Variants in KCNC2 observed in about 807,000 individuals in gnomAD.
KCNC2 encodes the protein potassium voltage-gated channel subfamily C member 2, also known as voltage-gated potassium channel KCNC2.
KCNC2 carries 21 observed loss-of-function variants against 44.5 expected under a neutral mutation model. The ratio of observed to expected loss-of-function variants is 0.47; its 90% CI spans 0.33 to 0.68. The LOEUF is 0.68. Among genes scored for constraint, KCNC2 ranks in the 30% least tolerant of loss-of-function variants. The probability of loss-of-function intolerance (pLI) is 0.01; values close to 1 mark genes in which losing one functional copy is unlikely to be tolerated. For synonymous variants in KCNC2, 391 were observed against 339.1 expected, an observed-to-expected ratio of 1.15 and a Z score of -1.68; for missense variants, 589 against 826.2, an observed-to-expected ratio of 0.71 and a Z score of 3.52.
chr12:75,078,182 A>C (rs1884166127), intron 2 of KCNC2, among the ~76,000 whole-genome samples: 1 of 152,190 alleles, frequency 6.6e-6, no homozygotes, highest in African/African-American at 2.4e-5. Context: ...ACTATAAATA[A>C]GTGCAAAGAG....
intron 2 of KCNC2, among the ~76,000 whole-genome samples, chr12:75,061,220 GTTTA>G (rs898150932): frequency 1.1e-4 from 16 of 151,964 alleles, no homozygotes; most frequent in African/African-American, 3.6e-4. Flanking sequence ...CTCAATCTTG[GTTTA>G]TTTATTTACA....
rs968647090 is a variant in KCNC2, at chr12:75,125,621, C to T, written c.688-74304G>A. On this transcript the variant is annotated intron_variant, in intron 2 of 4. Coordinates refer to ENST00000549446, the MANE Select transcript of KCNC2 (RefSeq NM_139137.4). ...TGATCATTCTGAATATGAGACATTG[C>T]GCTATGCCTTCTGTTTTCATATCAC... 7.2e-5 allele frequency among the ~76,000 whole-genome samples: 11 copies of T among 152,082 alleles called. No individual in the cohort carries two copies. In the South Asian group the frequency reaches 8.3e-4, roughly 11 times the overall value.
At chr12:75,047,741 T>C (rs1327109489) in intron 4 of KCNC2, among the ~76,000 whole-genome samples, 3 of 152,112 alleles carry the variant, frequency 2.0e-5, no homozygotes, top group Non-Finnish European at 2.9e-5. Flanking sequence ...AAAAAACTTA[T>C]AATTGTTTTA....
rs989572876 is a variant in KCNC2, at chr12:75,042,996, C to T, written c.*109G>A. Reference sequence around the variant, plus strand: ...ATTGTAGTATCATGCAAGATTTATACTGTATTAATGGAGCCTGGAGTAACT... The same window carrying T: ...ATTGTAGTATCATGCAAGATTTATATTGTATTAATGGAGCCTGGAGTAACT... On this transcript the variant is annotated 3_prime_UTR_variant, in exon 5 of 5. Transcript: ENST00000549446. 1 of 1,489,566 alleles carries T rather than the reference C, an allele frequency of 6.7e-7. No individual in the cohort carries two copies. The highest frequency in any genetic ancestry group is 2.3e-5 in the East Asian group (1 of 42,752). 92.3% of individuals were successfully genotyped at this position (1,489,566 alleles called of 1,614,324 possible). A position where few individuals can be genotyped will look rare whatever the true frequency, so the allele number is the denominator to read the frequency against.
At chr12:75,173,296 C>A (rs534793194) in intron 2 of KCNC2, among the ~76,000 whole-genome samples, 1 of 151,948 alleles carries the variant, frequency 6.6e-6, no homozygotes, top group Admixed American at 6.6e-5. Context: ...ATTTCTATGT[C>A]TGATATAGAG....
chr12:75,120,010 C>T lies in KCNC2; in HGVS notation c.688-68693G>A, dbSNP rs548175411. On this transcript the variant is annotated intron_variant, in intron 2 of 4. Coordinates refer to ENST00000549446, the MANE Select transcript of KCNC2 (RefSeq NM_139137.4). The stretch of plus-strand genomic sequence containing the variant: ...AAGAGTTATCATGCTCTGCATAAAG[C>T]TTTCGAAGAGGATTTCCAGCCCATC... Among the ~76,000 whole-genome samples the T allele has an allele frequency of 4.6e-5, 7 of 152,280 alleles. 1 individual carries two copies. The South Asian group carries it at 1.5e-3, about 32-fold the overall frequency.
intron 2 of KCNC2, among the ~76,000 whole-genome samples, chr12:75,067,075 A>G (rs1444348341): frequency 6.6e-6 from 1 of 152,080 alleles, no homozygotes; most frequent in Non-Finnish European, 1.5e-5. Context: ...GGTGGCATGC[A>G]TCTGTAGTTC....
chr12:75,105,549 G>A (rs1377745232), intron 2 of KCNC2, among the ~76,000 whole-genome samples: 1 of 152,154 alleles, frequency 6.6e-6, no homozygotes, highest in African/African-American at 2.4e-5. Flanking sequence ...ATCTGAACAA[G>A]TACTGGTGAA....
At chr12:75,146,021 T>C (rs1183585767) in intron 2 of KCNC2, among the ~76,000 whole-genome samples, 2 of 151,440 alleles carry the variant, frequency 1.3e-5, no homozygotes, top group African/African-American at 4.9e-5. Flanking sequence ...TGGCGCGATC[T>C]CTGTTCACTG....
chr12:75,047,262 ATTTT>A (rs1880632635), intron 4 of KCNC2, among the ~76,000 whole-genome samples: 1 of 151,978 alleles, frequency 6.6e-6, no homozygotes, highest in African/African-American at 2.4e-5. Context: ...TCACGAGACT[ATTTT>A]TAAAGGGGAG....
chr12:75,140,266 G>A (rs1889545094), intron 2 of KCNC2: 1 of 152,122 alleles, frequency 6.6e-6, no homozygotes, highest in African/African-American at 2.4e-5. Context: ...CATCAAATTT[G>A]CTAATATCCA....
intron 2 of KCNC2, among the ~76,000 whole-genome samples, chr12:75,174,442 C>A (rs1593027588): frequency 6.6e-6 from 1 of 151,876 alleles, no homozygotes. Flanking sequence ...CACATAGATT[C>A]CCCTATGAAT....
In KCNC2 at chr12:75,077,455, TG is replaced by T. The variant is rs545985242; in HGVS notation, c.688-26139del. ...GTGCAAATTTTGGTTTGTTTCCTAATGGGATATTTCACAGTTCCTCAAAACC... is the reference window on the plus strand; with the variant it reads ...GTGCAAATTTTGGTTTGTTTCCTAATGGATATTTCACAGTTCCTCAAAACC... On this transcript the variant is annotated intron_variant, in intron 2 of 4. Coordinates refer to ENST00000549446, the MANE Select transcript of KCNC2 (RefSeq NM_139137.4). Among the ~76,000 whole-genome samples, 16 of 152,278 alleles carry T rather than the reference TG, an allele frequency of 1.1e-4. 1 individual carries two copies. In the South Asian group the frequency reaches 2.9e-3, roughly 28 times the overall value.
chr12:75,078,277 C>T (rs566302578), intron 2 of KCNC2, among the ~76,000 whole-genome samples: 18 of 152,238 alleles, frequency 1.2e-4, no homozygotes, highest in African/African-American at 3.9e-4. Context: ...AGACCAGCCC[C>T]GGTGGGACGG....
Position 75,042,505 on chromosome 12 carries a change from A to G in KCNC2, c.*600T>C. ...TAATAAGAAAAAAATGTCAAGGAGA[A>G]AAGTGCCCTCCCTGCCCCACAATTC... On this transcript the variant is annotated 3_prime_UTR_variant, in exon 5 of 5. Coordinates refer to ENST00000549446, the MANE Select transcript of KCNC2 (RefSeq NM_139137.4). 7.0e-7 allele frequency: 1 copy of G among 1,435,694 alleles called. No individual in the cohort carries two copies. Among genetic ancestry groups the G allele is most frequent in the Non-Finnish European group, 9.1e-7 (1 of 1,096,716 alleles). 88.9% of individuals were successfully genotyped at this position (1,435,694 alleles called of 1,614,324 possible).
intron 2 of KCNC2, among the ~76,000 whole-genome samples, chr12:75,154,484 T>TCC (rs1414033799): frequency 6.6e-6 from 1 of 151,986 alleles, no homozygotes; most frequent in Non-Finnish European, 1.5e-5. Flanking sequence ...CAGATTTCAT[T>TCC]TTATGCAGTC....
chr12:75,064,085 G>A (rs774976259), intron 2 of KCNC2, among the ~76,000 whole-genome samples: 2 of 151,962 alleles, frequency 1.3e-5, no homozygotes, highest in Non-Finnish European at 2.9e-5. Flanking sequence ...GATTTTCATT[G>A]GGTTTGAAAA....
intron 2 of KCNC2, among the ~76,000 whole-genome samples, chr12:75,103,807 A>G (rs1886564664): frequency 1.3e-5 from 2 of 152,208 alleles, no homozygotes; most frequent in South Asian, 4.1e-4. Context: ...AGAGATTAAC[A>G]ACAATAATAA....
chr12:75,097,626 A>T lies in KCNC2; in HGVS notation c.688-46309T>A, dbSNP rs557502878. 3.3e-5 allele frequency among the ~76,000 whole-genome samples: 5 copies of T among 152,266 alleles called. No individual in the cohort carries two copies. In the East Asian group the frequency reaches 7.7e-4, roughly 23 times the overall value. On this transcript the variant is annotated intron_variant, in intron 2 of 4. Coordinates refer to ENST00000549446, the MANE Select transcript of KCNC2 (RefSeq NM_139137.4). ...TTTTCTATTTTCTAAAAGGCCCATT[A>T]CAAAAAAGGAATGAGAAGACAAAAG...
Sources: allele counts gnomAD v4.1 joint callset (sites outside exome capture counted in the v4.1 genomes callset), GRCh38; gene constraint gnomAD v4.1.1; transcripts MANE v1.5; gene names NCBI Gene and HGNC (gene_info 2026-07-23, HGNC 2026-07-21).